The following SPHKAP variants were observed in gnomAD, a reference collection of about 807,000 sequenced individuals.
SPHKAP encodes SPHK1 interactor, AKAP domain containing.
In SPHKAP, 67 loss-of-function variants were observed where a neutral mutation model predicts 137.5. The ratio of observed to expected loss-of-function variants is 0.49; its 90% CI spans 0.40 to 0.60. SPHKAP has a LOEUF of 0.60. SPHKAP is among the 20% of genes least tolerant of loss of function. The pLI is 0.00. For missense variants in SPHKAP, 2,097 were observed against 2,069.3 expected (o/e 1.01, Z -0.26); for synonymous variants, 813 against 785.3 (o/e 1.04, Z -0.59).
intron 3 of SPHKAP, among the ~76,000 whole-genome samples, chr2:228,063,194 GTCTA>G (rs952927183): frequency 1.8e-3 from 267 of 146,362 alleles, no homozygotes; most frequent in South Asian, 9.1e-3. Flanking sequence ...CTGTCTGTCT[GTCTA>G]TCTATCTATC....
intron 1 of SPHKAP, among the ~76,000 whole-genome samples, chr2:228,157,006 G>T (rs1232552802): frequency 1.3e-5 from 2 of 152,090 alleles, no homozygotes; most frequent in African/African-American, 4.8e-5. Flanking sequence ...CAAGCACAGT[G>T]CAAGGAGCTC....
Position 227,982,212 on chromosome 2 carries a change from G to T in SPHKAP, c.4960-352C>A, listed in dbSNP as rs910451514. 1.0e-5 allele frequency: 10 copies of T among 985,070 alleles called. No individual in the cohort carries two copies. In the African/African-American group the frequency reaches 1.8e-4, roughly 17 times the overall value. 61.0% of individuals were successfully genotyped at this position (985,070 alleles called of 1,614,324 possible). Reference sequence around the variant, plus strand: ...GTTAGACTTTCTGTAATAGGATTGTGTATTACAGCTCCCAGTCCCTTCTAT... The same window carrying T: ...GTTAGACTTTCTGTAATAGGATTGTTTATTACAGCTCCCAGTCCCTTCTAT... On this transcript the variant is annotated intron_variant, in intron 11 of 11. Transcript: ENST00000392056.
At chr2:228,131,420 G>A (rs550358596) in intron 2 of SPHKAP, 1 of 412,270 alleles carries the variant, frequency 2.4e-6, no homozygotes, top group East Asian at 1.6e-4. Flanking sequence ...CTGGGAAAAT[G>A]AGGTAGTTAA....
chr2:228,049,321 T>C (rs564701097), intron 3 of SPHKAP, among the ~76,000 whole-genome samples: 2 of 152,352 alleles, frequency 1.3e-5, no homozygotes, highest in Admixed American at 6.5e-5. Context: ...GTAATACACA[T>C]GCACAGTTTG....
In SPHKAP at chr2:228,021,841, C is replaced by G. The variant is rs761683185; in HGVS notation, c.567G>C (p.Gln189His). ...LIGLELVQER[Q>H]LHLETNILKL... ...TCAAGATGTTTGTTTCCAGGTGGAG[C>G]TGTCGCTCCTGCACCAGTTCCAGAC... is the stretch of plus-strand genomic sequence containing the variant. Residue 189 changes from glutamine to histidine, a missense_variant, in exon 6 of 12, where the codon CAG (glutamine) becomes CAC (histidine). Physicochemically the swap from Gln to His is conservative, Grantham distance 24. Coordinates refer to ENST00000392056, the MANE Select transcript of SPHKAP (RefSeq NM_001142644.2). The G allele has an allele frequency of 6.2e-7, 1 of 1,614,136 alleles. No individual in the cohort carries two copies. Among genetic ancestry groups the G allele is most frequent in the South Asian group, 1.1e-5 (1 of 91,080 alleles).
chr2:228,063,223 T>C (rs1696718524), intron 3 of SPHKAP, among the ~76,000 whole-genome samples: 1 of 121,260 alleles, frequency 8.2e-6, no homozygotes, highest in South Asian at 2.3e-4. Flanking sequence ...TACCTGTCTA[T>C]CTACCTGTCT....
intron 1 of SPHKAP, among the ~76,000 whole-genome samples, chr2:228,177,080 T>TGTAAGGACCCATTTACAAGATCATGGA (rs202152165): frequency 6.6e-6 from 1 of 152,024 alleles, no homozygotes; most frequent in East Asian, 1.9e-4. Context: ...ATGAGATGAT[T>TGTAAGGACCCATTTACAAGATCATGGA]GTAAGGACCC....
chr2:227,995,379 TG>T, intron 8 of SPHKAP, 129 bp downstream of exon 8: 1 of 1,085,060 alleles, frequency 9.2e-7, no homozygotes, highest in Non-Finnish European at 1.4e-6. Flanking sequence ...CTCGACATAG[TG>T]GGAACTTTCC....
At chr2:228,081,947 T>C (rs1697376836) in intron 3 of SPHKAP, among the ~76,000 whole-genome samples, 1 of 152,148 alleles carries the variant, frequency 6.6e-6, no homozygotes, top group Non-Finnish European at 1.5e-5. Context: ...TTTCAAGAGT[T>C]CTCACTACCA....
intron 3 of SPHKAP, among the ~76,000 whole-genome samples, chr2:228,049,832 G>GT (rs1015496405): frequency 4.6e-5 from 7 of 152,176 alleles, no homozygotes; most frequent in African/African-American, 1.2e-4. Context: ...TAATTTCATT[G>GT]TTTTTTTATG....
intron 2 of SPHKAP, among the ~76,000 whole-genome samples, chr2:228,119,536 A>G (rs904289733): frequency 6.7e-6 from 1 of 149,714 alleles, no homozygotes; most frequent in East Asian, 2.0e-4. Context: ...GTAATTTTAT[A>G]CATTTAACTT....
chr2:228,172,249 A>G (rs1296981319), intron 1 of SPHKAP, among the ~76,000 whole-genome samples: 2 of 152,216 alleles, frequency 1.3e-5, no homozygotes, highest in Non-Finnish European at 2.9e-5. Context: ...AAATAGCAGC[A>G]GCTAGATTGT....
At chr2:228,036,233 G>A (rs981596629) in intron 3 of SPHKAP, among the ~76,000 whole-genome samples, 2 of 151,676 alleles carry the variant, frequency 1.3e-5, no homozygotes, top group South Asian at 2.1e-4. Context: ...GATATGAACA[G>A]ACACTTCTCA....
At chr2:228,060,313 C>T (rs1213978226) in intron 3 of SPHKAP, among the ~76,000 whole-genome samples, 1 of 152,110 alleles carries the variant, frequency 6.6e-6, no homozygotes, top group East Asian at 1.9e-4. Context: ...CTCACGCTGG[C>T]AATTCACTCT....
intron 7 of SPHKAP, among the ~76,000 whole-genome samples, chr2:227,999,957 A>G (rs968705707): frequency 6.6e-6 from 1 of 152,212 alleles, no homozygotes; most frequent in African/African-American, 2.4e-5. Flanking sequence ...TGTAATTTCC[A>G]TTAGGGTTCA....
intron 1 of SPHKAP, among the ~76,000 whole-genome samples, chr2:228,158,647 T>C (rs1049133790): frequency 2.0e-5 from 3 of 152,206 alleles, no homozygotes; most frequent in African/African-American, 7.2e-5. Flanking sequence ...AGTGATCCCA[T>C]ACCTCTAAGA....
At chr2:228,067,456 T>C (rs550405321) in intron 3 of SPHKAP, among the ~76,000 whole-genome samples, 1 of 152,322 alleles carries the variant, frequency 6.6e-6, no homozygotes, top group South Asian at 2.1e-4. Context: ...ATATGCTCTA[T>C]TATGATCATC....
chr2:228,127,340 C>A (rs889054753), intron 2 of SPHKAP, among the ~76,000 whole-genome samples: 4 of 152,064 alleles, frequency 2.6e-5, no homozygotes, highest in African/African-American at 9.7e-5. Context: ...AGGCATAAAA[C>A]CATTCAATGT....
At chr2:228,000,300 T>C (rs1460534276) in intron 7 of SPHKAP, among the ~76,000 whole-genome samples, 1 of 151,956 alleles carries the variant, frequency 6.6e-6, no homozygotes, top group Admixed American at 6.6e-5. Flanking sequence ...GCCAACATGG[T>C]GAAACACTGT....
Sources: gnomAD v4.1 joint callset for allele counts (sites outside exome capture counted in the v4.1 genomes callset) on GRCh38, gnomAD v4.1.1 for gene constraint, MANE v1.5 for transcripts, NCBI Gene and HGNC (gene_info 2026-07-23, HGNC 2026-07-21) for gene names.